The following DSCAM variants were observed in gnomAD, a reference collection of about 807,000 sequenced individuals.
DSCAM encodes the protein cell adhesion molecule DSCAM.
Under a neutral mutation model 217.7 loss-of-function variants are expected in DSCAM, and 47 were observed. That is an observed-to-expected ratio of 0.22 (90% confidence interval 0.17 to 0.28). The LOEUF is 0.28. Among genes scored for constraint, DSCAM ranks in the 10% least tolerant of loss-of-function variants. DSCAM has a pLI of 1.00. For missense variants in DSCAM, 2,080 were observed against 2,618.3 expected (o/e 0.79, Z 4.49); for synonymous variants, 1,056 against 1,015.3 (o/e 1.04, Z -0.76).
intron 3 of DSCAM, among the ~76,000 whole-genome samples, chr21:40,382,087 T>C (rs16999717): frequency 0.01 from 1,559 of 152,360 alleles, 26 homozygotes; most frequent in African/African-American, 0.035. Flanking sequence ...GTTACTTTTC[T>C]GACTAGGCTT....
chr21:40,028,462 G>A (rs892365472), intron 32 of DSCAM, among the ~76,000 whole-genome samples: 3 of 151,846 alleles, frequency 2.0e-5, no homozygotes, highest in African/African-American at 7.2e-5. Context: ...CTGCCACCTT[G>A]CAGTTTGATC....
In DSCAM at chr21:40,242,844, C is replaced by T. The variant is rs531265276; in HGVS notation, c.2356+33253G>A. Among the ~76,000 whole-genome samples the T allele has an allele frequency of 5.9e-5, 9 of 152,330 alleles. No individual in the cohort carries two copies. The South Asian group carries it at 1.9e-3, about 32-fold the overall frequency. On this transcript the variant is annotated intron_variant, in intron 11 of 32. Coordinates refer to ENST00000400454, the MANE Select transcript of DSCAM (RefSeq NM_001389.5). ...AAGAAGCAGGTTGCTGCGTACTGAG[C>T]AGAACCCTCTATCCTCACTGGCACA...
intron 1 of DSCAM, among the ~76,000 whole-genome samples, chr21:40,728,207 T>C (rs1220101127): frequency 2.6e-5 from 4 of 152,174 alleles, no homozygotes; most frequent in Non-Finnish European, 4.4e-5. Context: ...AAACCTATCC[T>C]AAAATTTTGG....
intron 3 of DSCAM, among the ~76,000 whole-genome samples, chr21:40,552,689 A>C (rs534450532): frequency 1.2e-3 from 183 of 152,340 alleles, no homozygotes; most frequent in South Asian, 2.7e-3. Context: ...ATTTAAATCT[A>C]ACACAGCTGA....
At chr21:40,566,714 AG>A (rs2076767610) in intron 3 of DSCAM, among the ~76,000 whole-genome samples, 1 of 152,184 alleles carries the variant, frequency 6.6e-6, no homozygotes. Flanking sequence ...TTTGAAAAAA[AG>A]TCTGCTAGGA....
At position 40,668,455 on chromosome 21, in the gene DSCAM, G is replaced by C. The variant is rs140170735; in HGVS notation, c.508+24355C>G. On this transcript the variant is annotated intron_variant, in intron 3 of 32. Transcript: ENST00000400454. The stretch of plus-strand genomic sequence containing the variant: ...GACCAATTAAAGCAAATCTCTAAGG[G>C]CATTGGTATTTGTAAAAATCCACCC... Among the ~76,000 whole-genome samples, 45 of 152,288 alleles carry C rather than the reference G, an allele frequency of 3.0e-4. No individual in the cohort carries two copies. In the East Asian group the frequency reaches 7.9e-3, roughly 27 times the overall value.
At chr21:40,197,039 T>A (rs1352664473) in intron 11 of DSCAM, among the ~76,000 whole-genome samples, 1 of 152,160 alleles carries the variant, frequency 6.6e-6, no homozygotes, top group African/African-American at 2.4e-5. Flanking sequence ...TGGGCAAAAA[T>A]AAAGATTAGA....
At chr21:40,313,871 C>T (rs1248248738) in intron 8 of DSCAM, among the ~76,000 whole-genome samples, 1 of 151,866 alleles carries the variant, frequency 6.6e-6, no homozygotes, top group Non-Finnish European at 1.5e-5. Context: ...CTAATATAAA[C>T]CAATTATTAT....
chr21:40,589,422 A>C (rs2076968624), intron 3 of DSCAM, among the ~76,000 whole-genome samples: 1 of 152,180 alleles, frequency 6.6e-6, no homozygotes, highest in Non-Finnish European at 1.5e-5. Flanking sequence ...CTAAAAATAC[A>C]AACATTAGCT....
chr21:40,064,321 T>C (rs902061943), intron 27 of DSCAM, among the ~76,000 whole-genome samples: 1 of 152,062 alleles, frequency 6.6e-6, no homozygotes, highest in African/African-American at 2.4e-5. Flanking sequence ...AGTTCACACT[T>C]GAAAGAGTTC....
rs550702423 is a variant in DSCAM, at chr21:40,179,909, T to C, written c.2780-815A>G. Among the ~76,000 whole-genome samples, 171 of 152,302 alleles carry C rather than the reference T, an allele frequency of 1.1e-3. 5 individuals are homozygous for C. In the South Asian group the frequency reaches 0.028, roughly 25 times the overall value. On this transcript the variant is annotated intron_variant, in intron 14 of 32. Coordinates refer to ENST00000400454, the MANE Select transcript of DSCAM (RefSeq NM_001389.5). The stretch of plus-strand genomic sequence containing the variant: ...GTAGGTGTGTGGTCGACAGCTGGTA[T>C]TGGCTGGGGATGAAAAAAGGAGGGC...
chr21:40,541,658 G>C (rs902780181), intron 3 of DSCAM, among the ~76,000 whole-genome samples: 3 of 152,034 alleles, frequency 2.0e-5, no homozygotes, highest in Non-Finnish European at 4.4e-5. Flanking sequence ...AAGTGCGTAA[G>C]TATATATAAG....
intron 3 of DSCAM, among the ~76,000 whole-genome samples, chr21:40,528,997 G>A (rs2076422342): frequency 6.8e-6 from 1 of 146,814 alleles, no homozygotes; most frequent in Non-Finnish European, 1.5e-5. Context: ...TCTGCCTCCT[G>A]GGTTCAATCA....
chr21:40,689,196 A>C (rs62223000), intron 3 of DSCAM, among the ~76,000 whole-genome samples: 32,952 of 152,254 alleles, frequency 0.22, 4,150 homozygotes, highest in African/African-American at 0.35. Flanking sequence ...GGAAATACAC[A>C]AACATCTTTA....
intron 3 of DSCAM, among the ~76,000 whole-genome samples, chr21:40,526,000 C>A (rs957421463): frequency 6.6e-6 from 1 of 152,184 alleles, no homozygotes; most frequent in East Asian, 1.9e-4. Context: ...CAGTTTCCCA[C>A]ACCAATAAAC....
intron 4 of DSCAM, among the ~76,000 whole-genome samples, chr21:40,360,411 G>A (rs900418608): frequency 5.9e-5 from 9 of 152,012 alleles, no homozygotes; most frequent in African/African-American, 2.2e-4. Flanking sequence ...TGGGATTACA[G>A]GTGTGAGCCA....
chr21:40,059,823 GC>G (rs2089086821), intron 28 of DSCAM, among the ~76,000 whole-genome samples: 1 of 152,210 alleles, frequency 6.6e-6, no homozygotes, highest in African/African-American at 2.4e-5. Context: ...GTACCAGGCT[GC>G]CAGTTCCTTT....
chr21:40,443,078 G>T (rs1043389681), intron 3 of DSCAM, among the ~76,000 whole-genome samples: 11 of 152,176 alleles, frequency 7.2e-5, no homozygotes. Flanking sequence ...TGTTATGTTT[G>T]CTCTCACACC....
chr21:40,362,547 G>C (rs2074779191), intron 4 of DSCAM, among the ~76,000 whole-genome samples: 1 of 152,128 alleles, frequency 6.6e-6, no homozygotes, highest in East Asian at 1.9e-4. Flanking sequence ...ATTTATCTGA[G>C]CTATTTTGCT....
Sources: allele counts gnomAD v4.1 joint callset (sites outside exome capture counted in the v4.1 genomes callset), GRCh38; gene constraint gnomAD v4.1.1; transcripts MANE v1.5; gene names NCBI Gene and HGNC (gene_info 2026-07-23, HGNC 2026-07-21).